Variants in NRXN3 observed in about 807,000 individuals in gnomAD.
NRXN3 encodes neurexin III.
In NRXN3, 32 loss-of-function variants were observed where a neutral mutation model predicts 137.6. The observed-to-expected ratio is 0.23, with a 90% confidence interval of 0.18 to 0.31. NRXN3 has a LOEUF of 0.31. NRXN3 is among the 10% of genes least tolerant of loss of function. The pLI is 1.00. For synonymous variants in NRXN3, 798 were observed against 784.5 expected, an observed-to-expected ratio of 1.02 and a Z score of -0.29; for missense variants, 1,574 against 2,062.5, an observed-to-expected ratio of 0.76 and a Z score of 4.59.
chr14:78,955,086 C>T lies in NRXN3; in HGVS notation c.2276-2156C>T, dbSNP rs958350667. On this transcript the variant is annotated intron_variant, in intron 10 of 20. Coordinates refer to ENST00000335750, the MANE Select transcript of NRXN3 (RefSeq NM_001330195.2). Reference sequence around the variant, plus strand: ...CAAAAATTGCCTAAAGAACAGATGCCACCTTATAGAAGATGTTTTAAATAG... The same window carrying T: ...CAAAAATTGCCTAAAGAACAGATGCTACCTTATAGAAGATGTTTTAAATAG... Among the ~76,000 whole-genome samples, 5 of 152,254 alleles carry T rather than the reference C, an allele frequency of 3.3e-5. No individual in the cohort carries two copies. The East Asian group carries it at 9.6e-4, about 29-fold the overall frequency.
intron 4 of NRXN3, among the ~76,000 whole-genome samples, chr14:78,375,836 G>A (rs2153624323): frequency 6.6e-6 from 1 of 152,294 alleles, no homozygotes; most frequent in South Asian, 2.1e-4. Context: ...CAATTACCAA[G>A]GCTGTGAGGT....
chr14:79,528,065 T>TA (rs1363791262), intron 16 of NRXN3, among the ~76,000 whole-genome samples: 2 of 152,106 alleles, frequency 1.3e-5, no homozygotes, highest in Non-Finnish European at 2.9e-5. Flanking sequence ...GAAAAACTGT[T>TA]AGACTATTTA....
chr14:78,935,895 T>A (rs2099336760), intron 10 of NRXN3, among the ~76,000 whole-genome samples: 1 of 152,140 alleles, frequency 6.6e-6, no homozygotes, highest in South Asian at 2.1e-4. Flanking sequence ...ACCTCAACCA[T>A]CTCTTCTATT....
At chr14:79,733,478 C>G (rs1288172463) in intron 19 of NRXN3, among the ~76,000 whole-genome samples, 1 of 152,086 alleles carries the variant, frequency 6.6e-6, no homozygotes, top group Non-Finnish European at 1.5e-5. Flanking sequence ...GCCGCTAAAA[C>G]CTTTACTGTG....
chr14:78,609,045 T>A (rs901779306), intron 4 of NRXN3, among the ~76,000 whole-genome samples: 12 of 151,446 alleles, frequency 7.9e-5, no homozygotes, highest in African/African-American at 2.9e-4. Context: ...AGGGAGTGAA[T>A]GGGGATAGGA....
chr14:78,397,711 C>T (rs994347180), intron 4 of NRXN3, among the ~76,000 whole-genome samples: 5 of 151,786 alleles, frequency 3.3e-5, no homozygotes, highest in African/African-American at 1.2e-4. Context: ...TCAAGTGATT[C>T]TCCTGCCTCA....
intron 6 of NRXN3, among the ~76,000 whole-genome samples, chr14:78,669,688 C>T (rs895405401): frequency 2.0e-5 from 3 of 151,818 alleles, no homozygotes; most frequent in Admixed American, 2.0e-4. Context: ...AAAGGGAGGG[C>T]GATTCCTGGA....
chr14:78,419,560 A>T (rs1012412008), intron 4 of NRXN3, among the ~76,000 whole-genome samples: 2 of 152,060 alleles, frequency 1.3e-5, no homozygotes, highest in African/African-American at 4.8e-5. Context: ...ATCCATCCAG[A>T]TCTCCCTCTC....
intron 19 of NRXN3, among the ~76,000 whole-genome samples, chr14:79,785,196 C>T (rs1603499198): frequency 6.6e-6 from 1 of 152,156 alleles, no homozygotes; most frequent in African/African-American, 2.4e-5. Context: ...TAGGATTAAA[C>T]AAATAATACT....
chr14:78,383,415 C>G (rs2089466167), intron 4 of NRXN3, among the ~76,000 whole-genome samples: 1 of 152,126 alleles, frequency 6.6e-6, no homozygotes, highest in Non-Finnish European at 1.5e-5. Flanking sequence ...TGGTTTCAAA[C>G]CAGTGCAGAG....
chr14:79,262,066 A>G (rs553588397), intron 15 of NRXN3, among the ~76,000 whole-genome samples: 1 of 152,212 alleles, frequency 6.6e-6, no homozygotes, highest in Middle Eastern at 3.4e-3. Flanking sequence ...TTTTAGAGGA[A>G]ATGTGGAGGC....
intron 16 of NRXN3, among the ~76,000 whole-genome samples, chr14:79,571,186 G>A (rs1221696896): frequency 4.8e-4 from 73 of 152,248 alleles, no homozygotes; most frequent in East Asian, 1.4e-3. Context: ...AGAGACTTTA[G>A]GTACGCTGTG....
rs563005499 is a variant in NRXN3 at position 78,616,040 on chromosome 14, G to T, written c.758-29080G>T. Among the ~76,000 whole-genome samples, 3 of 152,196 alleles carry T rather than the reference G, an allele frequency of 2.0e-5. No homozygotes were observed. In the South Asian group the frequency reaches 6.2e-4, roughly 32 times the overall value. Reference sequence around the variant, plus strand: ...TACTGTCACTATCCAAGTCCGTGCCGCCATCACTCATCACCTGCATAACTG... The same window carrying T: ...TACTGTCACTATCCAAGTCCGTGCCTCCATCACTCATCACCTGCATAACTG... On this transcript the variant is annotated intron_variant, in intron 4 of 20. Coordinates refer to ENST00000335750, the MANE Select transcript of NRXN3 (RefSeq NM_001330195.2).
intron 15 of NRXN3, among the ~76,000 whole-genome samples, chr14:79,196,407 G>C (rs560546301): frequency 1.1e-4 from 17 of 152,276 alleles, no homozygotes; most frequent in African/African-American, 4.1e-4. Context: ...CATGGCAAGA[G>C]AGCATGGGAG....
At chr14:78,434,796 G>A (rs2094006882) in intron 4 of NRXN3, among the ~76,000 whole-genome samples, 1 of 152,188 alleles carries the variant, frequency 6.6e-6, no homozygotes, top group Admixed American at 6.5e-5. Context: ...TGGGTTGCAA[G>A]TGAACAAGAA....
chr14:79,466,536 C>A (rs2096427275), intron 15 of NRXN3, among the ~76,000 whole-genome samples: 4 of 151,988 alleles, frequency 2.6e-5, no homozygotes, highest in Admixed American at 2.6e-4. Context: ...TGCAGTGAGC[C>A]GAGGTTGCGC....
intron 16 of NRXN3, among the ~76,000 whole-genome samples, chr14:79,615,834 T>C (rs1274263901): frequency 1.3e-5 from 2 of 152,170 alleles, no homozygotes; most frequent in Non-Finnish European, 2.9e-5. Flanking sequence ...TAGTTCAAGA[T>C]GAGATTTGGG....
intron 20 of NRXN3, among the ~76,000 whole-genome samples, chr14:79,842,499 A>T (rs531134540): frequency 1.3e-5 from 2 of 152,176 alleles, no homozygotes; most frequent in Non-Finnish European, 1.5e-5. Flanking sequence ...TGGAGTAGGC[A>T]GCTGGCAGGT....
Position 78,892,491 on chromosome 14 carries a change from G to T in NRXN3, c.2276-64751G>T, listed in dbSNP as rs2099161802. Among the ~76,000 whole-genome samples, 4 of 151,718 alleles carry T rather than the reference G, an allele frequency of 2.6e-5. No homozygotes were observed. The South Asian group carries it at 8.3e-4, about 31-fold the overall frequency. Reference sequence around the variant, plus strand: ...TGTGAGTTTAGACATTGTTCTGAAAGACATTGGCAGTCATTGAAGGTTTCT... The same window carrying T: ...TGTGAGTTTAGACATTGTTCTGAAATACATTGGCAGTCATTGAAGGTTTCT... On this transcript the variant is annotated intron_variant, in intron 10 of 20. Transcript: ENST00000335750.
Sources: gnomAD v4.1 joint callset for allele counts (sites outside exome capture counted in the v4.1 genomes callset) on GRCh38, gnomAD v4.1.1 for gene constraint, MANE v1.5 for transcripts, NCBI Gene and HGNC (gene_info 2026-07-23, HGNC 2026-07-21) for gene names.